The following CLPB variants were observed in gnomAD, a reference collection of about 807,000 sequenced individuals.
CLPB encodes ClpB family mitochondrial disaggregase.
Under a neutral mutation model 78.4 loss-of-function variants are expected in CLPB, and 40 were observed. The observed-to-expected ratio is 0.51, with a 90% CI of 0.40 to 0.66. CLPB has a LOEUF of 0.66. Among genes scored for constraint, CLPB ranks in the 30% least tolerant of loss-of-function variants. CLPB has a pLI of 0.00. For synonymous variants in CLPB, 333 were observed against 348.0 expected (o/e 0.96, Z 0.48); for missense variants, 780 against 886.9 (o/e 0.88, Z 1.53).
intron 7 of CLPB, among the ~76,000 whole-genome samples, chr11:72,315,765 C>T (rs1427798758): frequency 1.3e-5 from 2 of 152,202 alleles, no homozygotes; most frequent in East Asian, 3.8e-4. Flanking sequence ...CAGGCTCCAT[C>T]CAGCCAGTCC....
At chr11:72,329,664 T>C in intron 6 of CLPB, 43 bp downstream of exon 6, 2 of 1,284,056 alleles carry the variant, frequency 1.6e-6, no homozygotes, top group Non-Finnish European at 1.1e-6. Flanking sequence ...GATTAAATGA[T>C]GCATGGAGTA....
At chr11:72,325,413 C>T (rs1950115623) in intron 6 of CLPB, among the ~76,000 whole-genome samples, 1 of 152,094 alleles carries the variant, frequency 6.6e-6, no homozygotes, top group South Asian at 2.1e-4. Context: ...GCCTGCCTCT[C>T]CCCCAGCCAG....
chr11:72,297,636 G>GGTT (rs1949574049), intron 11 of CLPB, among the ~76,000 whole-genome samples: 2 of 93,368 alleles, frequency 2.1e-5, no homozygotes, highest in Admixed American at 2.2e-4. Context: ...TTGGGGACCA[G>GGTT]GTGTGTGTGT....
Position 72,302,140 on chromosome 11 carries a change from G to T in CLPB, c.1167+164C>A. ...ATCTTCTCTATGTTTATTCTTCAGAGCAAATCCTATGTGAAACAAATCAGT... is the reference window on the plus strand; with the variant it reads ...ATCTTCTCTATGTTTATTCTTCAGATCAAATCCTATGTGAAACAAATCAGT... On this transcript the variant is annotated intron_variant, in intron 10 of 15. Transcript: ENST00000538039. 4 of 967,782 alleles carry T rather than the reference G, an allele frequency of 4.1e-6. No individual in the cohort carries two copies. The South Asian group carries it at 6.2e-5, about 15-fold the overall frequency. The allele number at this position is 967,782 out of a possible 1,614,324, so 59.9% of individuals were successfully genotyped here.
intron 2 of CLPB, among the ~76,000 whole-genome samples, chr11:72,412,879 T>G (rs1277369741): frequency 6.6e-6 from 1 of 152,218 alleles, no homozygotes; most frequent in East Asian, 1.9e-4. Flanking sequence ...CCATCTCTCT[T>G]ACAGAAACTT....
At chr11:72,350,223 G>A (rs367973631) in intron 5 of CLPB, among the ~76,000 whole-genome samples, 64 of 152,232 alleles carry the variant, frequency 4.2e-4, no homozygotes, top group African/African-American at 1.5e-3. Context: ...CTTCCACATG[G>A]GCTGCAGATA....
At chr11:72,430,503 A>C in intron 1 of CLPB, 140 bp from the exon 2 acceptor site, 1 of 667,906 alleles carries the variant, frequency 1.5e-6, no homozygotes, top group East Asian at 2.8e-5. Context: ...ATATATAATG[A>C]GAAACGAATC....
At chr11:72,372,886 G>T in intron 4 of CLPB, 1 of 1,551,704 alleles carries the variant, frequency 6.4e-7, no homozygotes. Flanking sequence ...GGCATGTCCT[G>T]GGGAGGGGGA....
At chr11:72,294,773 T>C in intron 12 of CLPB, 80 bp from the exon 13 acceptor site, 1 of 1,157,408 alleles carries the variant, frequency 8.6e-7, no homozygotes, top group South Asian at 1.2e-5. Flanking sequence ...GGCCTGCCCA[T>C]GGAAAGAGCC....
intron 3 of CLPB, among the ~76,000 whole-genome samples, chr11:72,401,867 A>G (rs147740037): frequency 2.0e-3 from 305 of 152,186 alleles, no homozygotes; most frequent in Non-Finnish European, 3.5e-3. Context: ...AATTATACAG[A>G]CTCCAAGGCA....
intron 5 of CLPB, among the ~76,000 whole-genome samples, chr11:72,339,440 G>C (rs1258032195): frequency 6.6e-6 from 1 of 152,192 alleles, no homozygotes; most frequent in Non-Finnish European, 1.5e-5. Context: ...ACCCTGAGAA[G>C]CAGATTTTGG....
chr11:72,369,768 T>A (rs145616960), intron 4 of CLPB, among the ~76,000 whole-genome samples: 124 of 152,314 alleles, frequency 8.1e-4, no homozygotes, highest in African/African-American at 2.8e-3. Context: ...ATAGTCTGTG[T>A]GTGTGTATGT....
At chr11:72,376,873 T>C (rs761286150) in intron 4 of CLPB, among the ~76,000 whole-genome samples, 12 of 152,142 alleles carry the variant, frequency 7.9e-5, no homozygotes, top group Non-Finnish European at 1.8e-4. Context: ...GGTTTTGCCA[T>C]GTTGGCCAGG....
intron 6 of CLPB, among the ~76,000 whole-genome samples, chr11:72,317,867 G>A (rs1450743393): frequency 6.6e-6 from 1 of 152,190 alleles, no homozygotes; most frequent in Non-Finnish European, 1.5e-5. Flanking sequence ...GGCATGTCTG[G>A]CCCTGGGCTT....
At chr11:72,394,646 T>C (rs1335998292) in intron 3 of CLPB, among the ~76,000 whole-genome samples, 1 of 152,220 alleles carries the variant, frequency 6.6e-6, no homozygotes, top group African/African-American at 2.4e-5. Context: ...ATGCTGGAAT[T>C]GGAATATCAT....
chr11:72,410,550 G>C (rs371976745), intron 2 of CLPB, among the ~76,000 whole-genome samples: 1 of 152,166 alleles, frequency 6.6e-6, no homozygotes, highest in Non-Finnish European at 1.5e-5. Context: ...GTGTTCACTC[G>C]ATTTTAAAGA....
intron 5 of CLPB, among the ~76,000 whole-genome samples, chr11:72,353,463 A>G (rs775252674): frequency 1.3e-5 from 2 of 152,216 alleles, no homozygotes; most frequent in Non-Finnish European, 2.9e-5. Flanking sequence ...ACATTAGGAA[A>G]TTAAGAGTCG....
At chr11:72,362,539 G>A (rs182773020) in intron 4 of CLPB, among the ~76,000 whole-genome samples, 145 of 152,322 alleles carry the variant, frequency 9.5e-4, no homozygotes, top group African/African-American at 3.4e-3. Flanking sequence ...ATTTGGTGGG[G>A]CCCTGGAGTC....
intron 3 of CLPB, among the ~76,000 whole-genome samples, chr11:72,389,974 G>C (rs1047171721): frequency 6.6e-6 from 1 of 152,178 alleles, no homozygotes; most frequent in Non-Finnish European, 1.5e-5. Context: ...TCAAAGGCTA[G>C]GGATAATCTC....
Sources: allele counts gnomAD v4.1 joint callset (sites outside exome capture counted in the v4.1 genomes callset), GRCh38; gene constraint gnomAD v4.1.1; transcripts MANE v1.5; gene names NCBI Gene and HGNC (gene_info 2026-07-23, HGNC 2026-07-21).